Variants in IDO2 observed in about 807,000 individuals in gnomAD.
The protein encoded by IDO2 is indoleamine 2,3-dioxygenase 2.
IDO2 carries 46 observed loss-of-function variants against 45.1 expected under a neutral mutation model. The observed-to-expected ratio is 1.02, with a 90% CI of 0.80 to 1.30. The LOEUF is 1.30. IDO2 is among the 50% of genes most tolerant of loss of function. IDO2 has a pLI of 0.00. For missense variants in IDO2, 544 were observed against 491.8 expected (o/e 1.11, Z -1.00); for synonymous variants, 218 against 184.9 (o/e 1.18, Z -1.45).
chr8:39,944,736 T>C (rs1807705865), intron 1 of IDO2, among the ~76,000 whole-genome samples: 1 of 152,224 alleles, frequency 6.6e-6, no homozygotes, highest in Admixed American at 6.5e-5. Flanking sequence ...AATTTATTTC[T>C]GTAAAATTGT....
chr8:40,000,324 C>T (rs1167755131), intron 8 of IDO2, among the ~76,000 whole-genome samples: 3 of 151,682 alleles, frequency 2.0e-5, no homozygotes, highest in Non-Finnish European at 2.9e-5. Context: ...GCAGGAGAAT[C>T]GCTTGAACCC....
chr8:39,956,555 C>G (rs937767584), intron 2 of IDO2, among the ~76,000 whole-genome samples: 2 of 152,014 alleles, frequency 1.3e-5, no homozygotes, highest in African/African-American at 4.8e-5. Flanking sequence ...TTCCCAAATG[C>G]GAACTCAACT....
chr8:40,009,999 C>T (rs1802287727), intron 9 of IDO2, among the ~76,000 whole-genome samples: 1 of 151,752 alleles, frequency 6.6e-6, no homozygotes, highest in African/African-American at 2.4e-5. Flanking sequence ...AAAACCAACC[C>T]TCAACTTGGC....
intron 2 of IDO2, among the ~76,000 whole-genome samples, chr8:39,951,473 C>A (rs1307189617): frequency 6.6e-6 from 1 of 152,106 alleles, no homozygotes; most frequent in Non-Finnish European, 1.5e-5. Flanking sequence ...AGTGCTGGGA[C>A]AATTCGGATG....
chr8:39,967,571 C>T (rs1395521161), intron 3 of IDO2, among the ~76,000 whole-genome samples: 1 of 152,154 alleles, frequency 6.6e-6, no homozygotes, highest in African/African-American at 2.4e-5. Flanking sequence ...TCACTGCAAC[C>T]TCTGCCTCTG....
intron 3 of IDO2, among the ~76,000 whole-genome samples, chr8:39,965,513 A>AAT (rs1554545864): frequency 8.6e-5 from 9 of 104,738 alleles, no homozygotes; most frequent in African/African-American, 2.4e-4. Context: ...CAAACAAACA[A>AAT]ATATATATAT....
intron 4 of IDO2, among the ~76,000 whole-genome samples, chr8:39,981,483 T>C (rs1808351306): frequency 6.6e-6 from 1 of 151,412 alleles, no homozygotes; most frequent in Non-Finnish European, 1.5e-5. Flanking sequence ...GAGAGAAGAG[T>C]GACAGTGGAA....
intron 3 of IDO2, among the ~76,000 whole-genome samples, chr8:39,973,599 C>T (rs1358062225): frequency 6.6e-6 from 1 of 151,954 alleles, no homozygotes; most frequent in Non-Finnish European, 1.5e-5. Context: ...TCTAATTGTG[C>T]ATTGTGTGTA....
At chr8:39,943,735 C>CAAAAA (rs61643070) in intron 1 of IDO2, among the ~76,000 whole-genome samples, 4 of 89,206 alleles carry the variant, frequency 4.5e-5, no homozygotes, top group Non-Finnish European at 8.7e-5. Flanking sequence ...GACTCCATCT[C>CAAAAA]AAAAAAAAAA....
At chr8:39,967,934 G>A (rs1279395957) in intron 3 of IDO2, among the ~76,000 whole-genome samples, 3 of 152,114 alleles carry the variant, frequency 2.0e-5, no homozygotes, top group East Asian at 1.9e-4. Context: ...AACTAGCTTG[G>A]CAGATTCTTA....
intron 8 of IDO2, among the ~76,000 whole-genome samples, chr8:39,996,034 T>C (rs1456934119): frequency 6.6e-6 from 1 of 150,900 alleles, no homozygotes; most frequent in African/African-American, 2.4e-5. Context: ...CTTATTTTCA[T>C]TGCTATCTAA....
intron 2 of IDO2, among the ~76,000 whole-genome samples, chr8:39,958,477 A>G (rs1470181695): frequency 2.0e-5 from 3 of 151,906 alleles, no homozygotes; most frequent in Non-Finnish European, 4.4e-5. Flanking sequence ...GCTCACTGCA[A>G]CCTCCGCCTC....
At chr8:39,991,268 C>T (rs1808492517) in intron 8 of IDO2, among the ~76,000 whole-genome samples, 2 of 152,098 alleles carry the variant, frequency 1.3e-5, no homozygotes, top group Admixed American at 1.3e-4. Context: ...CCCTCATGAT[C>T]ACATCAGTAG....
At chr8:40,013,167 A>G (rs1802332676) in intron 9 of IDO2, among the ~76,000 whole-genome samples, 1 of 152,118 alleles carries the variant, frequency 6.6e-6, no homozygotes, top group African/African-American at 2.4e-5. Context: ...GTTAAAAAGT[A>G]TCTGCTCATC....
At chr8:39,963,673 T>A in exon 3 of IDO2, 1 of 1,610,314 alleles carries the variant, frequency 6.2e-7, no homozygotes, top group Admixed American at 1.7e-5. Flanking sequence ...AATTGATTGA[T>A]GCTCACCAGC....
intron 2 of IDO2, among the ~76,000 whole-genome samples, chr8:39,952,046 C>T (rs1222047540): frequency 6.6e-6 from 1 of 152,198 alleles, no homozygotes; most frequent in Non-Finnish European, 1.5e-5. Context: ...CCATAGTTCT[C>T]AAAATGTACT....
At chr8:39,939,546 C>CAAAAAAAAAAAAAAAAAAAAAAAA (rs55892879) in intron 1 of IDO2, among the ~76,000 whole-genome samples, 1 of 71,268 alleles carries the variant, frequency 1.4e-5, no homozygotes, top group African/African-American at 5.8e-5. Flanking sequence ...GACTCTGTCT[C>CAAAAAAAAAAAAAAAAAAAAAAAA]AAAAAAAAAA....
intron 3 of IDO2, among the ~76,000 whole-genome samples, chr8:39,970,709 T>C (rs1808164502): frequency 6.7e-6 from 1 of 149,312 alleles, no homozygotes; most frequent in Non-Finnish European, 1.5e-5. Context: ...CATTTAAAAA[T>C]AGGTGTTCAA....
At chr8:39,967,674 G>T (rs1245939033) in intron 3 of IDO2, among the ~76,000 whole-genome samples, 1 of 152,102 alleles carries the variant, frequency 6.6e-6, no homozygotes, top group East Asian at 1.9e-4. Context: ...TTTTATTAGA[G>T]ACGGGGTTTC....
Sources: allele counts gnomAD v4.1 joint callset (sites outside exome capture counted in the v4.1 genomes callset), GRCh38; gene constraint gnomAD v4.1.1; transcripts MANE v1.5; gene names NCBI Gene and HGNC (gene_info 2026-07-23, HGNC 2026-07-21).